Variants in CHMP4B observed in about 807,000 individuals in gnomAD.
The protein encoded by CHMP4B is charged multivesicular body protein 4B.
A neutral mutation model predicts 25.1 loss-of-function variants in CHMP4B; 1 was observed. The observed-to-expected ratio is 0.04, with a 90% confidence interval of 0.01 to 0.19. CHMP4B has a LOEUF of 0.19. Among genes scored for constraint, CHMP4B ranks in the 10% least tolerant of loss-of-function variants. The pLI is 1.00. For missense variants in CHMP4B, 151 were observed against 289.7 expected, an observed-to-expected ratio of 0.52 and a Z score of 3.48; for synonymous variants, 101 against 115.6, an observed-to-expected ratio of 0.87 and a Z score of 0.81.
chr20:33,848,953 A>G (rs999145631), intron 2 of CHMP4B, among the ~76,000 whole-genome samples: 2 of 152,210 alleles, frequency 1.3e-5, no homozygotes, highest in African/African-American at 2.4e-5. Flanking sequence ...GCTGTGTCCC[A>G]GAGAGGGAAG....
At chr20:33,829,032 G>A (rs1979170671) in intron 1 of CHMP4B, among the ~76,000 whole-genome samples, 1 of 152,192 alleles carries the variant, frequency 6.6e-6, no homozygotes, top group African/African-American at 2.4e-5. Flanking sequence ...ACACCTTGTA[G>A]TACAGGGCAC....
intron 1 of CHMP4B, among the ~76,000 whole-genome samples, chr20:33,844,214 G>T (rs1979619872): frequency 6.6e-6 from 1 of 152,246 alleles, no homozygotes; most frequent in African/African-American, 2.4e-5. Flanking sequence ...GCTGCCAAAT[G>T]ATTGTTCTAG....
At chr20:33,838,928 G>A (rs1020694243) in intron 1 of CHMP4B, among the ~76,000 whole-genome samples, 6 of 152,066 alleles carry the variant, frequency 3.9e-5, no homozygotes, top group South Asian at 2.1e-4. Flanking sequence ...CCTGACTCCC[G>A]TGGCCATTTC....
At chr20:33,830,025 A>G (rs1192578561) in intron 1 of CHMP4B, among the ~76,000 whole-genome samples, 1 of 152,238 alleles carries the variant, frequency 6.6e-6, no homozygotes, top group African/African-American at 2.4e-5. Context: ...ATGAGGAAAC[A>G]GACTTTGATT....
At chr20:33,815,788 C>CA (rs1178713364) in intron 1 of CHMP4B, among the ~76,000 whole-genome samples, 1 of 152,184 alleles carries the variant, frequency 6.6e-6, no homozygotes, top group African/African-American at 2.4e-5. Context: ...GAACTCAACT[C>CA]AAAGACCAGT....
chr20:33,819,891 G>A (rs531468338), intron 1 of CHMP4B, among the ~76,000 whole-genome samples: 8 of 152,338 alleles, frequency 5.3e-5, no homozygotes, highest in Admixed American at 1.3e-4. Flanking sequence ...ATTCTGGCCA[G>A]GCGTGGTGGC....
At chr20:33,853,215 G>A (rs1018981459) in intron 4 of CHMP4B, among the ~76,000 whole-genome samples, 1 of 152,172 alleles carries the variant, frequency 6.6e-6, no homozygotes, top group African/African-American at 2.4e-5. Context: ...CTCTGGGACC[G>A]AAGCCTTGTG....
rs74683732 is a variant in CHMP4B at position 33,853,408 on chromosome 20, C to A, written c.611-88C>A. Reference sequence around the variant, plus strand: ...CCACAGGGCAGGGCTGTTTGACAGACACCATGGAGCACAGGCAGCCCTCAT... The same window carrying A: ...CCACAGGGCAGGGCTGTTTGACAGAAACCATGGAGCACAGGCAGCCCTCAT... On this transcript the variant is annotated intron_variant, in intron 4 of 4. Coordinates refer to ENST00000217402, the MANE Select transcript of CHMP4B (RefSeq NM_176812.5). 8.1e-6 allele frequency: 10 copies of A among 1,234,776 alleles called. No individual in the cohort carries two copies. The African/African-American group carries it at 1.5e-4, about 18-fold the overall frequency. 76.5% of individuals were successfully genotyped at this position (1,234,776 alleles called of 1,614,324 possible). A position where few individuals can be genotyped will look rare whatever the true frequency, so the allele number is the denominator to read the frequency against.
chr20:33,811,749 C>T (rs1978624014), intron 1 of CHMP4B, 91 bp downstream of exon 1: 1 of 1,342,028 alleles, frequency 7.5e-7, no homozygotes, highest in Non-Finnish European at 1.0e-6. Flanking sequence ...GCCTCGGGGT[C>T]TGGTCTGACC....
At chr20:33,818,261 A>C (rs1164698269) in intron 1 of CHMP4B, among the ~76,000 whole-genome samples, 1 of 152,230 alleles carries the variant, frequency 6.6e-6, no homozygotes, top group Non-Finnish European at 1.5e-5. Context: ...GAAGACACAC[A>C]GGTAAAAGTA....
intron 1 of CHMP4B, among the ~76,000 whole-genome samples, chr20:33,823,132 G>GA (rs201356722): frequency 5.3e-5 from 8 of 151,430 alleles, no homozygotes; most frequent in Non-Finnish European, 8.8e-5. Context: ...GTATTTCAAA[G>GA]AAAAATTTTT....
rs577443222 is a variant in CHMP4B, at chr20:33,827,125, C to G, written c.190+15467C>G. Among the ~76,000 whole-genome samples, 3 of 152,304 alleles carry G rather than the reference C, an allele frequency of 2.0e-5. No individual in the cohort carries two copies. The East Asian group carries it at 5.8e-4, about 29-fold the overall frequency. On this transcript the variant is annotated intron_variant, in intron 1 of 4. Transcript: ENST00000217402. ...AGCTCCTGGCCTCCTGTTAGCTGTC[C>G]TACCCCTGGGTGCCCCCTCCATCAC...
At chr20:33,847,977 T>A (rs990820871) in intron 1 of CHMP4B, among the ~76,000 whole-genome samples, 8 of 152,150 alleles carry the variant, frequency 5.3e-5, no homozygotes, top group African/African-American at 1.7e-4. Context: ...TTTCTTTAAT[T>A]TAGGTGGCAT....
At chr20:33,824,092 A>G (rs1047365495) in intron 1 of CHMP4B, among the ~76,000 whole-genome samples, 1 of 152,240 alleles carries the variant, frequency 6.6e-6, no homozygotes, top group Non-Finnish European at 1.5e-5. Context: ...TATTCTGCAG[A>G]GGAATACTTC....
chr20:33,826,781 A>T (rs1171574673), intron 1 of CHMP4B, among the ~76,000 whole-genome samples: 1 of 152,190 alleles, frequency 6.6e-6, no homozygotes, highest in Non-Finnish European at 1.5e-5. Context: ...CTCAGGTTGC[A>T]TGTCAAAGGT....
intron 1 of CHMP4B, among the ~76,000 whole-genome samples, chr20:33,825,912 T>C (rs142346927): frequency 1.3e-5 from 2 of 152,260 alleles, no homozygotes; most frequent in East Asian, 3.9e-4. Flanking sequence ...GGACCCCTGC[T>C]TGGCATCCTA....
At chr20:33,847,439 C>T (rs1294877447) in intron 1 of CHMP4B, among the ~76,000 whole-genome samples, 1 of 152,080 alleles carries the variant, frequency 6.6e-6, no homozygotes, top group East Asian at 1.9e-4. Context: ...GCCCCAACAT[C>T]ATCTAAGATG....
At chr20:33,822,858 G>A (rs1280955372) in intron 1 of CHMP4B, among the ~76,000 whole-genome samples, 2 of 151,950 alleles carry the variant, frequency 1.3e-5, no homozygotes, top group African/African-American at 2.4e-5. Context: ...GCAGCGGTGC[G>A]ATCTTGGCTC....
In CHMP4B at chr20:33,853,666, G is replaced by C. The variant is rs899365702; in HGVS notation, c.*106G>C. The C allele has an allele frequency of 7.7e-6, 7 of 908,752 alleles. No individual in the cohort carries two copies. Among genetic ancestry groups the C allele is most frequent in the Non-Finnish European group, 1.2e-5 (7 of 571,310 alleles). The allele number at this position is 908,752 out of a possible 1,614,324, so 56.3% of individuals were successfully genotyped here. A position where few individuals can be genotyped will look rare whatever the true frequency, so the allele number is the denominator to read the frequency against. On this transcript the variant is annotated 3_prime_UTR_variant, in exon 5 of 5. Coordinates refer to ENST00000217402, the MANE Select transcript of CHMP4B (RefSeq NM_176812.5). ...GGATGTGGTGCAGGCAGGTTCCATC[G>C]CTTTCGACTCTCACTCCAAAGCAGT...
Sources: allele counts gnomAD v4.1 joint callset (sites outside exome capture counted in the v4.1 genomes callset), GRCh38; gene constraint gnomAD v4.1.1; transcripts MANE v1.5; gene names NCBI Gene and HGNC (gene_info 2026-07-23, HGNC 2026-07-21).